The following RAI1 variants were observed in gnomAD, a reference collection of about 807,000 sequenced individuals.
RAI1 encodes the protein retinoic acid-induced protein 1.
Under a neutral mutation model 123.8 loss-of-function variants are expected in RAI1, and 9 were observed. The ratio of observed to expected loss-of-function variants is 0.07; its 90% CI spans 0.04 to 0.13. The LOEUF (loss-of-function observed/expected upper bound fraction) is 0.13. RAI1 is among the 10% of genes least tolerant of loss of function. The pLI is 1.00. For synonymous variants in RAI1, 1,231 were observed against 1,127.3 expected (o/e 1.09, Z -1.84); for missense variants, 2,256 against 2,545.8 (o/e 0.89, Z 2.45).
At position 17,793,186 on chromosome 17, in the gene RAI1, C is replaced by G; in HGVS notation, c.238C>G (p.Arg80Gly). 6.2e-7 allele frequency: 1 copy of G among 1,612,978 alleles called. No homozygotes were observed. Among genetic ancestry groups the G allele is most frequent in the Non-Finnish European group, 8.5e-7 (1 of 1,179,804 alleles). The change falls in exon 3 of 6, where the codon CGA becomes GGA. Residue 80 changes from arginine (R) to glycine (G), a missense_variant. Arg to Gly is a moderately radical substitution (Grantham distance 125). Around this residue, in one of 7 missense-constraint regions of RAI1, gnomAD observed 336 missense variants for 349.8 expected, o/e 0.96. Transcript: ENST00000353383. ...CGCGGTGGCCGCCGACAAGTACCAC[C>G]GAGGCAGCAAGGCCCTGCCCACACA... is the stretch of plus-strand genomic sequence containing the variant. ...AAAVAADKYH[R>G]GSKALPTQQG...
intron 2 of RAI1, among the ~76,000 whole-genome samples, chr17:17,744,408 A>G (rs1217612686): frequency 6.6e-6 from 1 of 152,238 alleles, no homozygotes; most frequent in Non-Finnish European, 1.5e-5. Flanking sequence ...GTTCACAGAA[A>G]TAGCAGGCAG....
At chr17:17,711,874 C>T (rs531777241) in intron 1 of RAI1, among the ~76,000 whole-genome samples, 177 of 152,348 alleles carry the variant, frequency 1.2e-3, no homozygotes, top group Non-Finnish European at 2.1e-3. Flanking sequence ...CATTCAACTC[C>T]CGGGACCTGT....
chr17:17,692,013 C>A (rs1914853547), intron 1 of RAI1, among the ~76,000 whole-genome samples: 1 of 152,230 alleles, frequency 6.6e-6, no homozygotes, highest in Non-Finnish European at 1.5e-5. Context: ...AGAAAATCCC[C>A]ACCGTGGCCC....
chr17:17,765,785 G>A (rs1048619892), intron 2 of RAI1: 1 of 152,286 alleles, frequency 6.6e-6, no homozygotes, highest in Non-Finnish European at 1.5e-5. Context: ...AAGGGCCCCA[G>A]TGCTGATCGC....
intron 3 of RAI1, among the ~76,000 whole-genome samples, chr17:17,803,054 A>G (rs918075727): frequency 2.0e-5 from 3 of 148,686 alleles, no homozygotes; most frequent in African/African-American, 7.5e-5. Flanking sequence ...ATTGCACTCC[A>G]GCCCCGGGGG....
chr17:17,752,269 G>A (rs1173596584), intron 2 of RAI1, among the ~76,000 whole-genome samples: 1 of 152,216 alleles, frequency 6.6e-6, no homozygotes, highest in Non-Finnish European at 1.5e-5. Flanking sequence ...CCTGCCTTTT[G>A]TGTTCGCACA....
In RAI1 at chr17:17,796,351, A is replaced by G. The variant is rs2032247909; in HGVS notation, c.3403A>G (p.Ser1135Gly). 3 of 1,613,416 alleles carry G rather than the reference A, an allele frequency of 1.9e-6. No homozygotes were observed. The East Asian group carries it at 6.7e-5, about 36-fold the overall frequency. The change falls in exon 3 of 6, where the codon AGC (serine) becomes GGC (glycine). Residue 1135 changes from serine to glycine, a missense_variant. By Grantham distance (56) the Ser-to-Gly change is moderately conservative. Around this residue, in one of 7 missense-constraint regions of RAI1, gnomAD observed 322 missense variants for 358.0 expected, o/e 0.90. Transcript: ENST00000353383. This position sits in a 1 kb window ranked among gnomAD's most constrained non-coding sequence, Gnocchi z 5.8. ...GSKTKETDSP[S>G]TPGKDQRSMI... Reference sequence around the variant, plus strand: ...CAAGACCAAGGAGACAGACTCACCCAGCACGCCTGGCAAGGACCAGCGCTC... The same window carrying G: ...CAAGACCAAGGAGACAGACTCACCCGGCACGCCTGGCAAGGACCAGCGCTC...
Position 17,793,911 on chromosome 17 carries a change from C to T in RAI1, c.963C>T (p.Tyr321=), listed in dbSNP as rs1426120630. 1 of 1,613,816 alleles carries T rather than the reference C, an allele frequency of 6.2e-7. No homozygotes were observed. Among genetic ancestry groups the T allele is most frequent in the African/African-American group, 1.3e-5 (1 of 74,926 alleles). Residue 321 remains tyrosine (Y), a synonymous_variant, in exon 3 of 6, where the codon TAC becomes TAT. Transcript: ENST00000353383. Reference sequence around the variant, plus strand: ...ACTACGGGCAGCAAGGCCAGGGCTACTGCCAGCCGGACGCAGCCGTCCGGA... The same window carrying T: ...ACTACGGGCAGCAAGGCCAGGGCTATTGCCAGCCGGACGCAGCCGTCCGGA... ...YQHYGQQGQG[Y]CQPDAAVRTP...
intron 1 of RAI1, among the ~76,000 whole-genome samples, chr17:17,689,934 A>G (rs1255124766): frequency 6.6e-6 from 1 of 152,130 alleles, no homozygotes; most frequent in Non-Finnish European, 1.5e-5. Context: ...AGGGGTGCCA[A>G]AGCCCCCCAA....
chr17:17,707,220 A>G (rs1419804412), intron 1 of RAI1, among the ~76,000 whole-genome samples: 1 of 152,160 alleles, frequency 6.6e-6, no homozygotes, highest in Non-Finnish European at 1.5e-5. Context: ...TGAGGTGGGA[A>G]GATCGCTTGA....
Position 17,800,215 on chromosome 17 carries a change from TCTCTC to T in RAI1, c.5565+1703_5565+1707del. Among the ~76,000 whole-genome samples the T allele has an allele frequency of 7.0e-6, 1 of 143,212 alleles. No homozygotes were observed. Among genetic ancestry groups the T allele is most frequent in the South Asian group, 2.2e-4 (1 of 4,626 alleles). The allele number at this position is 143,212 out of a possible 152,430, so 94.0% of individuals were successfully genotyped here. A position where few individuals can be genotyped will look rare whatever the true frequency, so the allele number is the denominator to read the frequency against. ...CTCTCTCTCTCTCTCTCTCTCTCTC[TCTCTC>T]TCTCTCTCATTACTGGCTCCTTCCC... On this transcript the variant is annotated intron_variant, in intron 3 of 5. Coordinates refer to ENST00000353383, the MANE Select transcript of RAI1 (RefSeq NM_030665.4). This position sits in a 1 kb window ranked among gnomAD's most constrained non-coding sequence, Gnocchi z 4.7.
Position 17,775,038 on chromosome 17 carries a change from C to T in RAI1, c.-16-17895C>T, listed in dbSNP as rs117658613. 6.7e-3 allele frequency among the ~76,000 whole-genome samples: 1,025 copies of T among 152,074 alleles called. 3 individuals carry two copies. The highest frequency in any genetic ancestry group is 0.011 in the Non-Finnish European group (739 of 68,012). On this transcript the variant is annotated intron_variant, in intron 2 of 5. Transcript: ENST00000353383. ...CAGCTTCTGGTTTTAAATTTTATAA[C>T]GTGTTCCTTTGTTCAGATGATTGAA...
rs1046699573 is a variant in RAI1, at chr17:17,750,975, G to GCA, written c.-17+26817_-17+26818dup. Among the ~76,000 whole-genome samples the GCA allele has an allele frequency of 6.6e-5, 10 of 152,350 alleles. 1 individual carries two copies. The highest frequency in any genetic ancestry group is 6.8e-3 in the Middle Eastern group (2 of 294). ...CATTTCAGCTGTCCATATTTGGAGG[G>GCA]CATCTGTTTCCTTCCGCCTTCCACA... On this transcript the variant is annotated intron_variant, in intron 2 of 5. Transcript: ENST00000353383.
rs1258842196 is a variant in RAI1 at position 17,798,323 on chromosome 17, G to A, written c.5375G>A (p.Gly1792Glu). The A allele has an allele frequency of 6.3e-7, 1 of 1,597,384 alleles. No individual in the cohort carries two copies. Among genetic ancestry groups the A allele is most frequent in the South Asian group, 1.1e-5 (1 of 89,610 alleles). The change falls in exon 3 of 6, where the codon GGG (glycine) becomes GAG (glutamate). Residue 1792 changes from glycine (G) to glutamate (E), a missense_variant. By Grantham distance (98) the Gly-to-Glu change is moderately conservative. Around this residue, in one of 7 missense-constraint regions of RAI1, gnomAD observed 243 missense variants for 316.6 expected, o/e 0.77. Coordinates refer to ENST00000353383, the MANE Select transcript of RAI1 (RefSeq NM_030665.4). Reference protein sequence around the residue: ...SCYCCDGREDGGEEAAPADKG... With the variant: ...SCYCCDGREDEGEEAAPADKG... ...TACTGCTGTGATGGCCGGGAGGATG[G>A]GGGCGAGGAGGCAGCCCCAGCCGAC...
intron 2 of RAI1, among the ~76,000 whole-genome samples, chr17:17,740,983 G>A (rs1916607892): frequency 6.6e-6 from 1 of 152,036 alleles, no homozygotes; most frequent in South Asian, 2.1e-4. Context: ...GTGAGGCAGT[G>A]TGGGGAGAGG....
chr17:17,811,083 C>A lies in RAI1; in HGVS notation c.*1102C>A. On this transcript the variant is annotated 3_prime_UTR_variant, in exon 6 of 6. Coordinates refer to ENST00000353383, the MANE Select transcript of RAI1 (RefSeq NM_030665.4). The stretch of plus-strand genomic sequence containing the variant: ...ACCACCGGCCCGGGCCAGTCCCTGC[C>A]AGTCCGTCCGCCTGTCCGTCCGTGT... The A allele has an allele frequency of 3.4e-6, 1 of 295,396 alleles. No individual in the cohort carries two copies. The highest frequency in any genetic ancestry group is 5.0e-5 in the Admixed American group (1 of 20,104). The allele number at this position is 295,396 out of a possible 1,614,324, so 18.3% of individuals were successfully genotyped here.
At chr17:17,767,217 A>G (rs1406643167) in intron 2 of RAI1, among the ~76,000 whole-genome samples, 1 of 152,222 alleles carries the variant, frequency 6.6e-6, no homozygotes, top group Non-Finnish European at 1.5e-5. Context: ...TGAATCCTCA[A>G]CAAAGAAGGG....
At chr17:17,689,171 G>A (rs556515717) in intron 1 of RAI1, among the ~76,000 whole-genome samples, 1 of 151,240 alleles carries the variant, frequency 6.6e-6, no homozygotes, top group African/African-American at 2.4e-5. Flanking sequence ...TTGGCCAGGC[G>A]GGTCTCAAAC....
intron 1 of RAI1, among the ~76,000 whole-genome samples, chr17:17,716,502 G>A (rs1012689912): frequency 6.6e-6 from 1 of 152,246 alleles, no homozygotes; most frequent in Admixed American, 6.5e-5. Flanking sequence ...CTGGATGTGT[G>A]TGCCCAGCCT....
Sources: gnomAD v4.1 joint callset for allele counts (sites outside exome capture counted in the v4.1 genomes callset) on GRCh38, gnomAD v4.1.1 for gene constraint, gnomAD v4.1.1 regional missense constraint, Gnocchi (gnomAD v3.1) non-coding constraint, MANE v1.5 for transcripts, NCBI Gene and HGNC (gene_info 2026-07-23, HGNC 2026-07-21) for gene names.